The following DYRK1A variants were observed in gnomAD, a reference collection of about 807,000 sequenced individuals.
DYRK1A encodes the protein dual specificity tyrosine-phosphorylation-regulated kinase 1A.
Under a neutral mutation model 79.7 loss-of-function variants are expected in DYRK1A, and 9 were observed. That is an observed-to-expected ratio of 0.11 (90% confidence interval 0.07 to 0.20). The LOEUF is 0.20. DYRK1A is among the 10% of genes least tolerant of loss of function. DYRK1A has a pLI of 1.00. For missense variants in DYRK1A, 622 were observed against 956.0 expected, an observed-to-expected ratio of 0.65 and a Z score of 4.61; for synonymous variants, 349 against 329.7, an observed-to-expected ratio of 1.06 and a Z score of -0.63.
At chr21:37,402,522 T>C (rs1267997732) in intron 1 of DYRK1A, among the ~76,000 whole-genome samples, 2 of 152,356 alleles carry the variant, frequency 1.3e-5, no homozygotes, top group African/African-American at 2.4e-5. Flanking sequence ...TTCTGGCTGC[T>C]TTCAAGATTT....
intron 6 of DYRK1A, 118 bp from the exon 7 acceptor site, chr21:37,490,057 C>CT (rs2053027085): frequency 5.6e-6 from 6 of 1,073,110 alleles, no homozygotes; most frequent in Non-Finnish European, 7.9e-6. Context: ...GATCTCCAAA[C>CT]TTTAACTGAA....
intron 2 of DYRK1A, among the ~76,000 whole-genome samples, chr21:37,469,028 C>T (rs992520156): frequency 2.6e-5 from 4 of 152,036 alleles, no homozygotes; most frequent in African/African-American, 4.8e-5. Context: ...GTACATTTCA[C>T]GATGTGATGT....
At chr21:37,368,961 A>C (rs932703553) in intron 1 of DYRK1A, among the ~76,000 whole-genome samples, 3 of 152,074 alleles carry the variant, frequency 2.0e-5, no homozygotes, top group Non-Finnish European at 4.4e-5. Context: ...TAAACTTTTC[A>C]GGCCTTTCCC....
In DYRK1A at chr21:37,493,058, G is replaced by A. The variant is rs746687724; in HGVS notation, c.966G>A (p.Glu322=). The change falls in exon 8 of 12, where the codon GAG becomes GAA. Residue 322 remains glutamate (E), a synonymous_variant. Transcript: ENST00000647188. ...AGAGTCGCTTTTATCGGTCTCCAGA[G>A]GTGCTACTGGGAATGCCTTATGACC... ...YIQSRFYRSP[E]VLLGMPYDLA... The A allele has an allele frequency of 1.2e-6, 2 of 1,611,186 alleles. No homozygotes were observed. Among genetic ancestry groups the A allele is most frequent in the Non-Finnish European group, 1.7e-6 (2 of 1,177,716 alleles).
intron 1 of DYRK1A, among the ~76,000 whole-genome samples, 174 bp downstream of exon 1, chr21:37,367,802 CG>C (rs2049341782): frequency 6.6e-6 from 1 of 150,822 alleles, no homozygotes; most frequent in Admixed American, 6.6e-5. Context: ...GGCCGGGTCC[CG>C]GAGGAGCGGC....
rs766278303 is a variant in DYRK1A at position 37,468,227 on chromosome 21, C to T, written c.11-4457C>T. ...CTTGGGCTCAGGCAGTCCTCCCACC[C>T]GAGCCTCCTGAGTAATTGGAACTAC... On this transcript the variant is annotated intron_variant, in intron 2 of 11. Coordinates refer to ENST00000647188, the MANE Select transcript of DYRK1A (RefSeq NM_001347721.2). Among the ~76,000 whole-genome samples the T allele has an allele frequency of 7.6e-4, 116 of 152,110 alleles. 1 individual carries two copies. The highest frequency in any genetic ancestry group is 1.7e-3 in the Admixed American group (26 of 15,296).
chr21:37,467,490 A>G (rs1206635915), intron 2 of DYRK1A, among the ~76,000 whole-genome samples: 1 of 152,226 alleles, frequency 6.6e-6, no homozygotes, highest in African/African-American at 2.4e-5. Flanking sequence ...CTTGGCCTCC[A>G]GATTGCTGGG....
chr21:37,395,993 T>C (rs539760665), intron 1 of DYRK1A, among the ~76,000 whole-genome samples: 123 of 152,354 alleles, frequency 8.1e-4, no homozygotes, highest in African/African-American at 2.9e-3. Context: ...GGAGATGTTC[T>C]CTCAGGGACA....
chr21:37,446,270 T>C (rs986120125), intron 2 of DYRK1A, among the ~76,000 whole-genome samples: 1 of 152,208 alleles, frequency 6.6e-6, no homozygotes, highest in South Asian at 2.1e-4. Context: ...ATTTTAGCCA[T>C]CTCCTAAGAA....
intron 2 of DYRK1A, among the ~76,000 whole-genome samples, chr21:37,444,381 A>C (rs1303825445): frequency 6.6e-6 from 1 of 152,240 alleles, no homozygotes; most frequent in Non-Finnish European, 1.5e-5. Context: ...AGGCTTAGGC[A>C]TCTGGAGTGA....
intron 3 of DYRK1A, among the ~76,000 whole-genome samples, chr21:37,475,823 G>T (rs2052375860): frequency 6.6e-6 from 1 of 151,972 alleles, no homozygotes; most frequent in African/African-American, 2.4e-5. Flanking sequence ...ATGTGATTTT[G>T]GTGTTTTTTA....
chr21:37,409,727 T>G (rs1299756616), intron 1 of DYRK1A, among the ~76,000 whole-genome samples: 2 of 152,176 alleles, frequency 1.3e-5, no homozygotes, highest in African/African-American at 4.8e-5. Flanking sequence ...AAGATATTCA[T>G]TATGAATAAT....
chr21:37,393,908 G>T (rs567521243), intron 1 of DYRK1A, among the ~76,000 whole-genome samples: 1 of 152,318 alleles, frequency 6.6e-6, no homozygotes, highest in South Asian at 2.1e-4. Flanking sequence ...CCACAAGTGC[G>T]CAAAGTTGAG....
chr21:37,403,663 ATG>A (rs761056038), intron 1 of DYRK1A, among the ~76,000 whole-genome samples: 2,734 of 121,418 alleles, frequency 0.023, 108 homozygotes, highest in Admixed American at 0.11. Flanking sequence ...ATATATATAT[ATG>A]TGTGTGTGTG....
rs984582860 is a variant in DYRK1A at position 37,367,280 on chromosome 21, C to T, written c.-425C>T. Reference sequence around the variant, plus strand: ...CGCCATTTTGTGAGATTTACAAAATCCTCCTCGGGAAGAAGCCGCCGGCAG... The same window carrying T: ...CGCCATTTTGTGAGATTTACAAAATTCTCCTCGGGAAGAAGCCGCCGGCAG... On this transcript the variant is annotated 5_prime_UTR_variant, in exon 1 of 12. Transcript: ENST00000647188. The T allele has an allele frequency of 4.0e-5, 6 of 150,992 alleles. No homozygotes were observed. The highest frequency in any genetic ancestry group is 4.8e-5 in the African/African-American group (2 of 41,266). 9.4% of individuals were successfully genotyped at this position (150,992 alleles called of 1,614,324 possible).
chr21:37,380,584 T>G (rs140922420), intron 1 of DYRK1A, among the ~76,000 whole-genome samples: 1 of 152,268 alleles, frequency 6.6e-6, no homozygotes, highest in East Asian at 1.9e-4. Context: ...GAAGGCTGTT[T>G]GCTGAATAAG....
chr21:37,511,626 C>T (rs957716582), intron 11 of DYRK1A, among the ~76,000 whole-genome samples: 1 of 152,108 alleles, frequency 6.6e-6, no homozygotes, highest in Admixed American at 6.5e-5. Flanking sequence ...ATTTGCTGAC[C>T]CCTGGCATAA....
intron 1 of DYRK1A, among the ~76,000 whole-genome samples, chr21:37,394,870 A>T (rs1348208451): frequency 6.6e-6 from 1 of 152,192 alleles, no homozygotes; most frequent in Non-Finnish European, 1.5e-5. Flanking sequence ...TACTTGTGAA[A>T]TCCTGAATAT....
chr21:37,383,961 A>G (rs2049710344), intron 1 of DYRK1A, among the ~76,000 whole-genome samples: 1 of 152,158 alleles, frequency 6.6e-6, no homozygotes, highest in African/African-American at 2.4e-5. Flanking sequence ...ACATCTAGAA[A>G]ACTGGACAAA....
Sources: allele counts gnomAD v4.1 joint callset (sites outside exome capture counted in the v4.1 genomes callset), GRCh38; gene constraint gnomAD v4.1.1; transcripts MANE v1.5; gene names NCBI Gene and HGNC (gene_info 2026-07-23, HGNC 2026-07-21).